Variants in GRIK4 observed in about 807,000 individuals in gnomAD.
GRIK4 encodes glutamate receptor ionotropic, kainate 4.
Under a neutral mutation model 104.9 loss-of-function variants are expected in GRIK4, and 40 were observed. That is an observed-to-expected ratio of 0.38 (90% CI 0.30 to 0.50). GRIK4 has a LOEUF of 0.50. Ranked by LOEUF, GRIK4 falls within the 20% of genes least tolerant of loss-of-function variation. GRIK4 has a pLI of 0.93. For missense variants in GRIK4, 1,047 were observed against 1,308.1 expected, an observed-to-expected ratio of 0.80 and a Z score of 3.08; for synonymous variants, 485 against 524.9, an observed-to-expected ratio of 0.92 and a Z score of 1.04.
At chr11:120,567,316 C>A (rs773607827) in intron 1 of GRIK4, among the ~76,000 whole-genome samples, 3 of 152,066 alleles carry the variant, frequency 2.0e-5, no homozygotes, top group Admixed American at 2.0e-4. Context: ...TGTGCCACTA[C>A]GCCCAGCTAA....
chr11:120,545,101 C>T (rs1478926730), intron 1 of GRIK4, among the ~76,000 whole-genome samples: 3 of 152,154 alleles, frequency 2.0e-5, no homozygotes, highest in Non-Finnish European at 4.4e-5. Context: ...AGGGGACATA[C>T]AGGCCTGGCC....
At chr11:120,898,171 G>A (rs763588259) in intron 11 of GRIK4, among the ~76,000 whole-genome samples, 3 of 152,126 alleles carry the variant, frequency 2.0e-5, no homozygotes, top group South Asian at 2.1e-4. Context: ...AAGGCAGGCC[G>A]GATCAAAAGA....
chr11:120,655,124 T>C (rs936341138), intron 2 of GRIK4, among the ~76,000 whole-genome samples: 1 of 151,974 alleles, frequency 6.6e-6, no homozygotes, highest in Non-Finnish European at 1.5e-5. Context: ...GGGTGCTGGG[T>C]ACTTGGTGCT....
At chr11:120,710,426 C>T (rs1350302449) in intron 3 of GRIK4, among the ~76,000 whole-genome samples, 1 of 152,166 alleles carries the variant, frequency 6.6e-6, no homozygotes, top group Non-Finnish European at 1.5e-5. Context: ...CCAGGGGTGG[C>T]TCTTCTGATC....
chr11:120,807,022 C>T (rs981836892), intron 4 of GRIK4, among the ~76,000 whole-genome samples: 6 of 152,166 alleles, frequency 3.9e-5, no homozygotes, highest in Non-Finnish European at 8.8e-5. Context: ...TGACATCCCC[C>T]ACCTCTGCCC....
At chr11:120,844,298 C>T (rs1048655691) in intron 8 of GRIK4, among the ~76,000 whole-genome samples, 3 of 152,136 alleles carry the variant, frequency 2.0e-5, no homozygotes, top group South Asian at 2.1e-4. Context: ...CCTGACACCC[C>T]GCAAGGTTGA....
intron 1 of GRIK4, among the ~76,000 whole-genome samples, chr11:120,517,824 T>C (rs1436149550): frequency 6.6e-6 from 1 of 151,950 alleles, no homozygotes; most frequent in Non-Finnish European, 1.5e-5. Flanking sequence ...CCTGGGAGCG[T>C]GACTAGGGAG....
chr11:120,734,962 T>G (rs947809590), intron 3 of GRIK4, among the ~76,000 whole-genome samples: 8 of 152,246 alleles, frequency 5.3e-5, no homozygotes, highest in African/African-American at 1.9e-4. Flanking sequence ...CTGATAGAAT[T>G]CTGAAATCCT....
chr11:120,912,798 G>A (rs1943028647), intron 13 of GRIK4, among the ~76,000 whole-genome samples: 1 of 152,228 alleles, frequency 6.6e-6, no homozygotes, highest in Non-Finnish European at 1.5e-5. Flanking sequence ...CTTATGGATT[G>A]GGGAAATGCA....
At chr11:120,641,436 G>A (rs1013862006) in intron 1 of GRIK4, among the ~76,000 whole-genome samples, 1 of 151,802 alleles carries the variant, frequency 6.6e-6, no homozygotes, top group Non-Finnish European at 1.5e-5. Flanking sequence ...CAGCCCACAT[G>A]GCTGAGTATA....
intron 13 of GRIK4, among the ~76,000 whole-genome samples, chr11:120,908,099 G>T (rs374486023): frequency 6.6e-6 from 1 of 152,162 alleles, no homozygotes; most frequent in African/African-American, 2.4e-5. Context: ...GAATGTGCTG[G>T]CTGAAAGAGA....
At chr11:120,826,206 C>T (rs1274132906) in intron 6 of GRIK4, among the ~76,000 whole-genome samples, 1 of 152,204 alleles carries the variant, frequency 6.6e-6, no homozygotes, top group Non-Finnish European at 1.5e-5. Context: ...GAGATTATCT[C>T]CATCTTCAAG....
chr11:120,516,934 G>A (rs1947735158), intron 1 of GRIK4, among the ~76,000 whole-genome samples: 2 of 150,012 alleles, frequency 1.3e-5, no homozygotes, highest in Middle Eastern at 3.4e-3. Context: ...GCGTTCCTGG[G>A]CAGCAGCCAC....
At chr11:120,542,135 G>T (rs952850750) in intron 1 of GRIK4, among the ~76,000 whole-genome samples, 2 of 152,122 alleles carry the variant, frequency 1.3e-5, no homozygotes, top group Non-Finnish European at 2.9e-5. Flanking sequence ...AGAATAGAGA[G>T]CCCAGAAATA....
intron 3 of GRIK4, among the ~76,000 whole-genome samples, chr11:120,681,470 C>T (rs1004284892): frequency 6.6e-6 from 1 of 152,184 alleles, no homozygotes; most frequent in Non-Finnish European, 1.5e-5. Context: ...TCCTTCTCCT[C>T]TGCTGTTTTC....
At chr11:120,633,341 C>T (rs1949354416) in intron 1 of GRIK4, among the ~76,000 whole-genome samples, 1 of 152,186 alleles carries the variant, frequency 6.6e-6, no homozygotes, top group African/African-American at 2.4e-5. Context: ...CAGGCCTTCT[C>T]GATGGGGAGC....
intron 13 of GRIK4, among the ~76,000 whole-genome samples, chr11:120,909,761 A>G (rs759196348): frequency 6.6e-6 from 1 of 152,198 alleles, no homozygotes; most frequent in African/African-American, 2.4e-5. Context: ...GACTGCCTGT[A>G]TGTCTGAGTG....
At chr11:120,598,093 T>C (rs1439886649) in intron 1 of GRIK4, among the ~76,000 whole-genome samples, 2 of 152,164 alleles carry the variant, frequency 1.3e-5, no homozygotes, top group Non-Finnish European at 1.5e-5. Flanking sequence ...GGCCTCGCAG[T>C]TGGAGCTGGT....
rs1233608643 is a variant in GRIK4 at position 120,549,652 on chromosome 11, C to T, written c.-159+37765C>T. Among the ~76,000 whole-genome samples the T allele has an allele frequency of 6.6e-6, 1 of 152,182 alleles. No individual in the cohort carries two copies. Among genetic ancestry groups the T allele is most frequent in the Non-Finnish European group, 1.5e-5 (1 of 68,018 alleles). ...ACGCTGCTCAGCTCACAGCAGGGGC[C>T]TGGGACAAGACAAGCAGAGGCTGAG... On this transcript the variant is annotated intron_variant, in intron 1 of 20. Coordinates refer to ENST00000527524, the MANE Select transcript of GRIK4 (RefSeq NM_014619.5). The surrounding 1 kb of genome is among the most constrained non-coding windows in gnomAD (Gnocchi z 4.7).
Sources: allele counts gnomAD v4.1 joint callset (sites outside exome capture counted in the v4.1 genomes callset), GRCh38; gene constraint gnomAD v4.1.1; non-coding constraint Gnocchi (gnomAD v3.1); transcripts MANE v1.5; gene names NCBI Gene and HGNC (gene_info 2026-07-23, HGNC 2026-07-21).